TEX14: variants seen among roughly 807,000 people sequenced by gnomAD.
The protein encoded by TEX14 is testis expressed 14, intercellular bridge forming factor, also known as inactive serine/threonine-protein kinase TEX14.
In TEX14, 168 loss-of-function variants were observed where a neutral mutation model predicts 178.6. The observed-to-expected ratio is 0.94, with a 90% CI of 0.83 to 1.07. The LOEUF (loss-of-function observed/expected upper bound fraction) is 1.07, where lower values mean the gene tolerates loss of function less well. TEX14 is among the 50% of genes least tolerant of loss of function. The probability of loss-of-function intolerance (pLI) is 0.00; values close to 1 mark genes in which losing one functional copy is unlikely to be tolerated. For synonymous variants in TEX14, 626 were observed against 634.1 expected (o/e 0.99, Z 0.19); for missense variants, 1,730 against 1,753.6 (o/e 0.99, Z 0.24).
At chr17:58,651,479 G>A (rs2046838522) in intron 2 of TEX14, among the ~76,000 whole-genome samples, 2 of 152,166 alleles carry the variant, frequency 1.3e-5, no homozygotes. Flanking sequence ...GCACCAAGTG[G>A]AAATAAGGAG....
rs761624884 is a variant in TEX14, at chr17:58,570,380, G to T, written c.3817+5C>A. 6.7e-6 allele frequency: 10 copies of T among 1,498,276 alleles called. No homozygotes were observed. Among genetic ancestry groups the T allele is most frequent in the Non-Finnish European group, 8.8e-6 (10 of 1,134,062 alleles). 92.8% of individuals were successfully genotyped at this position (1,498,276 alleles called of 1,614,324 possible). On this transcript the variant is annotated splice_donor_5th_base_variant and intron_variant, in intron 25 of 31. Transcript: ENST00000349033. ...ACTTCTATTTTGATATTAAACACAGGGTACCTTTAGGCAGGCTCCTTCTCT... is the reference window on the plus strand; with the variant it reads ...ACTTCTATTTTGATATTAAACACAGTGTACCTTTAGGCAGGCTCCTTCTCT...
At chr17:58,608,062 C>T (rs1266353876) in intron 10 of TEX14, among the ~76,000 whole-genome samples, 4 of 152,144 alleles carry the variant, frequency 2.6e-5, no homozygotes, top group African/African-American at 4.8e-5. Flanking sequence ...TCGGGCAGAT[C>T]GCATGAGTCC....
At chr17:58,559,919 A>T (rs1260526633) in intron 29 of TEX14, among the ~76,000 whole-genome samples, 1 of 152,202 alleles carries the variant, frequency 6.6e-6, no homozygotes, top group African/African-American at 2.4e-5. Context: ...CTCCAAAGGA[A>T]AAAAAAGGCA....
chr17:58,601,756 T>C, intron 13 of TEX14, 50 bp downstream of exon 13: 1 of 1,570,026 alleles, frequency 6.4e-7, no homozygotes, highest in South Asian at 1.1e-5. Context: ...CATGTGACTC[T>C]CAGAACACAT....
At chr17:58,624,140 C>T (rs1410746426) in intron 3 of TEX14, among the ~76,000 whole-genome samples, 1 of 151,684 alleles carries the variant, frequency 6.6e-6, no homozygotes, top group African/African-American at 2.4e-5. Flanking sequence ...AAAAATTAGC[C>T]GGGCGTAGGT....
intron 2 of TEX14, among the ~76,000 whole-genome samples, chr17:58,650,173 T>C (rs2046809255): frequency 6.6e-6 from 1 of 152,060 alleles, no homozygotes; most frequent in African/African-American, 2.4e-5. Flanking sequence ...TTCTCCTGCC[T>C]CAGCCTCCCA....
intron 1 of TEX14, among the ~76,000 whole-genome samples, chr17:58,684,026 C>T (rs903428267): frequency 2.0e-5 from 3 of 152,096 alleles, no homozygotes; most frequent in African/African-American, 7.2e-5. Context: ...GATGGTGCCA[C>T]TGCACTCCAG....
intron 1 of TEX14, among the ~76,000 whole-genome samples, chr17:58,685,350 C>T (rs2047572808): frequency 1.3e-5 from 2 of 151,274 alleles, no homozygotes; most frequent in South Asian, 2.1e-4. Context: ...GCAGGACAAT[C>T]GCTTGAACGT....
intron 15 of TEX14, 37 bp downstream of exon 15, chr17:58,593,518 G>C (rs1358333305): frequency 6.8e-7 from 1 of 1,475,394 alleles, no homozygotes; most frequent in Non-Finnish European, 9.5e-7. Context: ...AAGTCTAAAG[G>C]CATAGTGACA....
chr17:58,582,805 C>G (rs1348086854), intron 19 of TEX14, among the ~76,000 whole-genome samples: 1 of 151,830 alleles, frequency 6.6e-6, no homozygotes, highest in African/African-American at 2.4e-5. Flanking sequence ...CTCAAGTGAT[C>G]CTCCCACCTC....
chr17:58,562,275 T>C (rs1598339268), intron 28 of TEX14, among the ~76,000 whole-genome samples: 1 of 152,198 alleles, frequency 6.6e-6, no homozygotes, highest in Admixed American at 6.5e-5. Flanking sequence ...TACATGTTTT[T>C]CCAAGAAAAG....
intron 15 of TEX14, among the ~76,000 whole-genome samples, chr17:58,593,100 A>G (rs2045196698): frequency 6.6e-6 from 1 of 152,166 alleles, no homozygotes; most frequent in Non-Finnish European, 1.5e-5. Context: ...AATTTGTGCT[A>G]AAGTCAATTC....
intron 7 of TEX14, 40 bp downstream of exon 7, chr17:58,616,135 G>C (rs2045866727): frequency 6.3e-7 from 1 of 1,586,920 alleles, no homozygotes. Context: ...CTCTTCCCCT[G>C]AAACTGAATC....
intron 23 of TEX14, 73 bp from the exon 24 acceptor site, chr17:58,572,199 T>C: frequency 8.4e-7 from 1 of 1,190,908 alleles, no homozygotes; most frequent in African/African-American, 1.5e-5. Flanking sequence ...TTTCCCTTTG[T>C]TTTTGTTTTT....
At chr17:58,602,659 C>G in intron 11 of TEX14, 69 bp from the exon 12 acceptor site, 1 of 1,316,008 alleles carries the variant, frequency 7.6e-7, no homozygotes, top group South Asian at 1.4e-5. Flanking sequence ...GAAAAGAAAT[C>G]AGATGAAGCT....
At chr17:58,653,844 C>T (rs191051540) in intron 1 of TEX14, among the ~76,000 whole-genome samples, 15 of 152,314 alleles carry the variant, frequency 9.8e-5, no homozygotes. Flanking sequence ...TCCACTAACC[C>T]TTTACTATAA....
At chr17:58,602,639 G>T (rs746435551) in intron 11 of TEX14, 49 bp from the exon 12 acceptor site, 1 of 1,464,490 alleles carries the variant, frequency 6.8e-7, no homozygotes, top group Admixed American at 2.0e-5. Context: ...ACCAAAGAGT[G>T]GAGTGGGGGG....
chr17:58,656,071 T>C (rs2143298805), intron 1 of TEX14, among the ~76,000 whole-genome samples: 1 of 152,250 alleles, frequency 6.6e-6, no homozygotes, highest in Non-Finnish European at 1.5e-5. Context: ...GAGGCCGAAG[T>C]GGGTGGATCA....
chr17:58,672,617 G>A (rs2047321996), intron 1 of TEX14, among the ~76,000 whole-genome samples: 1 of 152,058 alleles, frequency 6.6e-6, no homozygotes, highest in Non-Finnish European at 1.5e-5. Flanking sequence ...TTTATTTTTT[G>A]TATTTTTAGT....
Sources: allele counts gnomAD v4.1 joint callset (sites outside exome capture counted in the v4.1 genomes callset), GRCh38; gene constraint gnomAD v4.1.1; transcripts MANE v1.5; gene names NCBI Gene and HGNC (gene_info 2026-07-23, HGNC 2026-07-21).